L3MBTL2: variants seen among roughly 807,000 people sequenced by gnomAD.
The protein encoded by L3MBTL2 is L3MBTL histone methyl-lysine binding protein 2, also known as lethal(3)malignant brain tumor-like protein 2.
L3MBTL2 carries 49 observed loss-of-function variants against 86.4 expected under a neutral mutation model. The ratio of observed to expected loss-of-function variants is 0.57; its 90% CI spans 0.45 to 0.72. The LOEUF (loss-of-function observed/expected upper bound fraction) is 0.72. Ranked by LOEUF, L3MBTL2 falls within the 30% of genes least tolerant of loss-of-function variation. The pLI is 0.00. For missense variants in L3MBTL2, 755 were observed against 923.7 expected, an observed-to-expected ratio of 0.82 and a Z score of 2.37; for synonymous variants, 336 against 350.6, an observed-to-expected ratio of 0.96 and a Z score of 0.47.
At position 41,230,182 on chromosome 22, in the gene L3MBTL2, G is replaced by GAACTTT; in HGVS notation, c.2049_2050insAACTTT (p.Ser683_Pro684insAsnPhe). 6.3e-7 allele frequency: 1 copy of GAACTTT among 1,578,346 alleles called. No homozygotes were observed. Among genetic ancestry groups the GAACTTT allele is most frequent in the Non-Finnish European group, 8.6e-7 (1 of 1,158,672 alleles). ...AGGAAGAGCATCTAGACGTGGCCTC[G>GAACTTT]CCCGACAAGGCTTCAAGTCCAGAGC... On this transcript the variant is annotated inframe_insertion, in exon 17 of 17. Coordinates refer to ENST00000216237, the MANE Select transcript of L3MBTL2 (RefSeq NM_031488.5).
chr22:41,229,788 C>CAG, intron 16 of L3MBTL2, 132 bp downstream of exon 16: 3 of 1,451,848 alleles, frequency 2.1e-6, no homozygotes, highest in Non-Finnish European at 2.9e-6. Flanking sequence ...CCAAGCAGTC[C>CAG]TGTACCACTG....
Position 41,227,172 on chromosome 22 carries a change from G to A in L3MBTL2, c.1671G>A (p.Thr557=), listed in dbSNP as rs547604636. The change falls in exon 14 of 17, where the codon ACG becomes ACA. Residue 557 remains threonine, a synonymous_variant. Coordinates refer to ENST00000216237, the MANE Select transcript of L3MBTL2 (RefSeq NM_031488.5). The surrounding 1 kb of genome is among the most constrained non-coding windows in gnomAD (Gnocchi z 6.0). ...LMEPRLICVA[T]VKRVVHRLLS... ...AGCCCCGGCTCATCTGTGTGGCCAC[G>A]GTGAAACGAGTGGTGCATCGGCTCC... The A allele has an allele frequency of 3.6e-5, 58 of 1,613,718 alleles. 1 individual carries two copies. In the South Asian group the frequency reaches 4.3e-4, roughly 12 times the overall value.
rs1002266046 is a variant in L3MBTL2, at chr22:41,225,508, C to T, written c.1357-286C>T. On this transcript the variant is annotated intron_variant, in intron 11 of 16. Transcript: ENST00000216237. This position sits in a 1 kb window ranked among gnomAD's most constrained non-coding sequence, Gnocchi z 4.1. ...TGCTGACTCGTCCTCGCCGCGGATC[C>T]GCTCCATGCCGGGCGCGTGTGCTCA... Among the ~76,000 whole-genome samples the T allele has an allele frequency of 5.3e-5, 8 of 152,204 alleles. No homozygotes were observed. In the South Asian group the frequency reaches 1.0e-3, roughly 20 times the overall value.
Position 41,227,656 on chromosome 22 carries a change from C to T in L3MBTL2, c.1823-148C>T. 1 of 1,559,046 alleles carries T rather than the reference C, an allele frequency of 6.4e-7. No homozygotes were observed. Among genetic ancestry groups the T allele is most frequent in the Non-Finnish European group, 8.7e-7 (1 of 1,151,598 alleles). On this transcript the variant is annotated intron_variant, in intron 14 of 16. Transcript: ENST00000216237. This position sits in a 1 kb window ranked among gnomAD's most constrained non-coding sequence, Gnocchi z 6.0. ...AGCTGTTCTCCGGCCCCTCCTCCAG[C>T]CCCGCCCTCTCCTCATTGCCCAGGT...
Position 41,227,586 on chromosome 22 carries a change from A to G in L3MBTL2, c.1823-218A>G, listed in dbSNP as rs770965624. ...CCTTGTGCACCCAGGTAAACTACCC[A>G]GGTCCCTCTGAGCAGCCCTGGTAAC... On this transcript the variant is annotated intron_variant, in intron 14 of 16. Coordinates refer to ENST00000216237, the MANE Select transcript of L3MBTL2 (RefSeq NM_031488.5). This position sits in a 1 kb window ranked among gnomAD's most constrained non-coding sequence, Gnocchi z 6.0. 1 of 1,548,092 alleles carries G rather than the reference A, an allele frequency of 6.5e-7. No individual in the cohort carries two copies. The highest frequency in any genetic ancestry group is 1.2e-5 in the South Asian group (1 of 83,218).
chr22:41,216,504 AT>A (rs1380067054), intron 4 of L3MBTL2, among the ~76,000 whole-genome samples: 3 of 152,110 alleles, frequency 2.0e-5, no homozygotes, highest in Non-Finnish European at 4.4e-5. Context: ...AAAGCCAAGA[AT>A]TGGCTGTTTT....
chr22:41,217,014 T>C, intron 4 of L3MBTL2, 109 bp from the exon 5 acceptor site: 1 of 779,708 alleles, frequency 1.3e-6, no homozygotes, highest in East Asian at 2.5e-5. Flanking sequence ...GAGGGGCTGC[T>C]GGGGGTGGGG....
chr22:41,221,452 C>T (rs756962933), intron 8 of L3MBTL2, 165 bp downstream of exon 8: 1 of 646,374 alleles, frequency 1.5e-6, no homozygotes. Flanking sequence ...ACGTGGTTGC[C>T]ATCTGCCTTT....
intron 15 of L3MBTL2, chr22:41,228,616 C>T (rs185939541): frequency 1.4e-4 from 89 of 634,864 alleles, no homozygotes; most frequent in Middle Eastern, 7.8e-4. Flanking sequence ...TTTGGGAGGC[C>T]GAGGTGGGCG....
At position 41,230,230 on chromosome 22, in the gene L3MBTL2, C is replaced by CAAGCAGG. The variant is rs748720719; in HGVS notation, c.2100_2106dup (p.Thr703AlafsTer77). On this transcript the variant is annotated frameshift_variant, in exon 17 of 17. Transcript: ENST00000216237. LOFTEE classifies it high-confidence loss of function. ...AGCTGCCTGTCTCCGTCGAGAACAT[C>CAAGCAGG]AAGCAGGAAACAGACGACTGAGCCT... The CAAGCAGG allele has an allele frequency of 6.2e-7, 1 of 1,610,270 alleles. No homozygotes were observed. The highest frequency in any genetic ancestry group is 1.3e-5 in the African/African-American group (1 of 74,848).
rs2032092089 is a variant in L3MBTL2, at chr22:41,225,144, C to T, written c.1356+73C>T. 8.6e-7 allele frequency: 1 copy of T among 1,169,396 alleles called. No individual in the cohort carries two copies. Among genetic ancestry groups the T allele is most frequent in the Non-Finnish European group, 1.2e-6 (1 of 811,700 alleles). The allele number at this position is 1,169,396 out of a possible 1,614,324, so 72.4% of individuals were successfully genotyped here. A position where few individuals can be genotyped will look rare whatever the true frequency, so the allele number is the denominator to read the frequency against. On this transcript the variant is annotated intron_variant, in intron 11 of 16. Coordinates refer to ENST00000216237, the MANE Select transcript of L3MBTL2 (RefSeq NM_031488.5). The surrounding 1 kb of genome is among the most constrained non-coding windows in gnomAD (Gnocchi z 4.1). Reference sequence around the variant, plus strand: ...ACCCATGTGGCCCAGAGCTCTAACCCCACTCGCCACCGTCAGGGGGTCTGT... The same window carrying T: ...ACCCATGTGGCCCAGAGCTCTAACCTCACTCGCCACCGTCAGGGGGTCTGT...
chr22:41,229,428 A>G (rs987357059), intron 15 of L3MBTL2, 112 bp from the exon 16 acceptor site: 74 of 1,224,800 alleles, frequency 6.0e-5, no homozygotes, highest in African/African-American at 1.5e-4. Context: ...TCTGTCCCCA[A>G]ACTGGCACTT....
Position 41,220,808 on chromosome 22 carries a change from G to A in L3MBTL2, c.793G>A (p.Val265Met), listed in dbSNP as rs1237576067. The change falls in exon 7 of 17, where the codon GTG (valine) becomes ATG (methionine). Residue 265 changes from valine to methionine, a missense_variant. By Grantham distance (21) the Val-to-Met change is conservative. Transcript: ENST00000216237. ...TGACTTCTGGTGCAACCTGGGAACA[G>A]TGGATGTCCACCCCATTGGCTGGTG... is the stretch of plus-strand genomic sequence containing the variant. ...SHDFWCNLGT[V>M]DVHPIGWCAI... The A allele has an allele frequency of 3.1e-6, 5 of 1,613,956 alleles. No individual in the cohort carries two copies. In the East Asian group the frequency reaches 6.7e-5, roughly 22 times the overall value.
intron 7 of L3MBTL2, 94 bp downstream of exon 7, chr22:41,220,962 G>C: frequency 7.0e-7 from 1 of 1,420,824 alleles, no homozygotes; most frequent in Non-Finnish European, 9.6e-7. Context: ...GGAGTCCTCT[G>C]TCTTGTTAGA....
Position 41,209,771 on chromosome 22 carries a change from C to A in L3MBTL2, c.100C>A (p.Arg34=). ...GCTGTTTGGTGGCTATGATAGTTTC[C>A]GGAGTTATAACAGCAGTGTGGGCAG... ...LELFGGYDSF[R]SYNSSVGSES... is the part of the protein sequence containing the mutation. Residue 34 remains arginine (R), a synonymous_variant, in exon 2 of 17, where the codon CGG becomes AGG. Transcript: ENST00000216237. 6.2e-7 allele frequency: 1 copy of A among 1,614,114 alleles called. No individual in the cohort carries two copies. The highest frequency in any genetic ancestry group is 8.5e-7 in the Non-Finnish European group (1 of 1,180,034).
intron 2 of L3MBTL2, among the ~76,000 whole-genome samples, chr22:41,211,375 A>AT (rs35184088): frequency 9.5e-5 from 14 of 147,808 alleles, no homozygotes; most frequent in South Asian, 2.2e-4. Context: ...TAATTTTTGT[A>AT]TTTTTTTTTT....
intron 13 of L3MBTL2, 128 bp downstream of exon 13, chr22:41,226,872 G>C: frequency 2.5e-6 from 2 of 791,296 alleles, no homozygotes; most frequent in South Asian, 3.4e-5. Flanking sequence ...CACTTTCAGG[G>C]GGAAGTCCCC....
At chr22:41,207,236 CTTTTTTT>C (rs753351369) in intron 1 of L3MBTL2, among the ~76,000 whole-genome samples, 144 of 120,520 alleles carry the variant, frequency 1.2e-3, no homozygotes, top group African/African-American at 4.1e-3. Context: ...CCCCCAAATC[CTTTTTTT>C]TTTTTTTTTT....
At chr22:41,219,304 G>A (rs1226686579) in intron 5 of L3MBTL2, 115 bp from the exon 6 acceptor site, 1 of 744,954 alleles carries the variant, frequency 1.3e-6, no homozygotes, top group East Asian at 2.6e-5. Context: ...TGCACACAGT[G>A]GGTGATGTGA....
Sources: allele counts gnomAD v4.1 joint callset (sites outside exome capture counted in the v4.1 genomes callset), GRCh38; gene constraint gnomAD v4.1.1; non-coding constraint Gnocchi (gnomAD v3.1); transcripts MANE v1.5; gene names NCBI Gene and HGNC (gene_info 2026-07-23, HGNC 2026-07-21).